ARSB: variants seen among roughly 807,000 people sequenced by gnomAD.
The protein encoded by ARSB is arylsulfatase B, also known as N-acetylgalactosamine-4-sulfatase.
In ARSB, 41 loss-of-function variants were observed where a neutral mutation model predicts 50.9. That is an observed-to-expected ratio of 0.81 (90% CI 0.63 to 1.04). The LOEUF (loss-of-function observed/expected upper bound fraction) is 1.04. ARSB is among the 50% of genes least tolerant of loss of function. ARSB has a pLI of 0.00. For missense variants in ARSB, 672 were observed against 693.3 expected (o/e 0.97, Z 0.35); for synonymous variants, 269 against 284.8 (o/e 0.94, Z 0.56).
At chr5:78,932,876 T>C (rs1750398315) in intron 4 of ARSB, among the ~76,000 whole-genome samples, 1 of 152,206 alleles carries the variant, frequency 6.6e-6, no homozygotes, top group African/African-American at 2.4e-5. Flanking sequence ...ATTCAAACTC[T>C]AGCATCCTTC....
At chr5:78,933,875 T>C (rs1038463551) in intron 4 of ARSB, among the ~76,000 whole-genome samples, 2 of 152,134 alleles carry the variant, frequency 1.3e-5, no homozygotes, top group East Asian at 3.8e-4. Context: ...GCATAGGTTA[T>C]GAGCTCTAAA....
chr5:78,867,271 A>C (rs1746815984), intron 5 of ARSB, among the ~76,000 whole-genome samples: 1 of 152,172 alleles, frequency 6.6e-6, no homozygotes, highest in African/African-American at 2.4e-5. Flanking sequence ...AGGCTTGCTT[A>C]GGTAAACAAA....
At chr5:78,908,437 C>T (rs1265019193) in intron 4 of ARSB, among the ~76,000 whole-genome samples, 2 of 152,122 alleles carry the variant, frequency 1.3e-5, no homozygotes, top group East Asian at 1.9e-4. Flanking sequence ...GGAACAATAG[C>T]GCTGTGAAGT....
intron 1 of ARSB, among the ~76,000 whole-genome samples, chr5:78,973,983 A>T (rs567837014): frequency 1.4e-4 from 22 of 152,322 alleles, no homozygotes; most frequent in African/African-American, 5.3e-4. Context: ...GGGAAGCTTC[A>T]TGATCAGAAC....
chr5:78,880,585 T>C (rs1393616521), intron 5 of ARSB, among the ~76,000 whole-genome samples: 1 of 152,226 alleles, frequency 6.6e-6, no homozygotes, highest in Admixed American at 6.5e-5. Flanking sequence ...GCCAAACCGC[T>C]ACAGCCTTTA....
intron 5 of ARSB, among the ~76,000 whole-genome samples, chr5:78,851,753 T>C (rs974108508): frequency 5.9e-5 from 9 of 152,142 alleles, no homozygotes; most frequent in African/African-American, 2.2e-4. Flanking sequence ...CCTGTATTGG[T>C]TGCATATATA....
chr5:78,941,873 G>T (rs536327751), intron 4 of ARSB, among the ~76,000 whole-genome samples: 1 of 152,244 alleles, frequency 6.6e-6, no homozygotes, highest in South Asian at 2.1e-4. Flanking sequence ...GTTCCTCCTT[G>T]TACCTCTGGT....
At chr5:78,848,913 C>CATT (rs1561456458) in intron 5 of ARSB, among the ~76,000 whole-genome samples, 14 of 82,950 alleles carry the variant, frequency 1.7e-4, no homozygotes, top group African/African-American at 5.2e-4. Context: ...TTGTTGATGG[C>CATT]GTTGTTTTTT....
chr5:78,899,325 G>T (rs1748702932), intron 4 of ARSB, among the ~76,000 whole-genome samples: 1 of 152,070 alleles, frequency 6.6e-6, no homozygotes, highest in African/African-American at 2.4e-5. Flanking sequence ...GGTGTTCTCT[G>T]ACCTTTCTGT....
intron 1 of ARSB, among the ~76,000 whole-genome samples, chr5:78,983,723 C>T (rs1753018933): frequency 6.6e-6 from 1 of 152,174 alleles, no homozygotes; most frequent in African/African-American, 2.4e-5. Context: ...CCAATCTTTC[C>T]TCTTTATAAA....
intron 1 of ARSB, among the ~76,000 whole-genome samples, chr5:78,984,031 A>AG (rs1345622837): frequency 6.6e-6 from 1 of 152,152 alleles, no homozygotes; most frequent in East Asian, 1.9e-4. Context: ...ATTCAGATTG[A>AG]GGGGAAAAAA....
chr5:78,855,043 G>A (rs912934877), intron 5 of ARSB, among the ~76,000 whole-genome samples: 3 of 152,180 alleles, frequency 2.0e-5, no homozygotes, highest in African/African-American at 7.2e-5. Flanking sequence ...TATCTCAGCA[G>A]CTCAGACTTC....
chr5:78,908,817 G>C (rs1050274486), intron 4 of ARSB, among the ~76,000 whole-genome samples: 2 of 151,644 alleles, frequency 1.3e-5, no homozygotes, highest in African/African-American at 4.9e-5. Flanking sequence ...GGAACATCTG[G>C]TTTTGACATT....
At chr5:78,976,981 G>A (rs896213644) in intron 1 of ARSB, among the ~76,000 whole-genome samples, 9 of 151,998 alleles carry the variant, frequency 5.9e-5, no homozygotes, top group South Asian at 2.1e-4. Flanking sequence ...CTTCCTCCAC[G>A]TTAAACTTTG....
chr5:78,781,323 C>CTTTTTTTTTTTTT (rs376851173), intron 7 of ARSB, among the ~76,000 whole-genome samples: 6 of 75,320 alleles, frequency 8.0e-5, no homozygotes, highest in Admixed American at 2.0e-4. Context: ...CTCTCTCTCT[C>CTTTTTTTTTTTTT]TTTTTTTTTT....
chr5:78,827,731 C>A (rs991176227), intron 6 of ARSB, among the ~76,000 whole-genome samples: 2 of 152,188 alleles, frequency 1.3e-5, no homozygotes, highest in African/African-American at 4.8e-5. Context: ...AGTGCCTAAA[C>A]CAGCCTTTGT....
intron 5 of ARSB, among the ~76,000 whole-genome samples, chr5:78,868,445 C>A (rs896007815): frequency 2.8e-5 from 3 of 106,084 alleles, no homozygotes; most frequent in African/African-American, 1.1e-4. Context: ...GGAAGCCCAT[C>A]AGACTAACAG....
rs1327363344 is a variant in ARSB at position 78,793,909 on chromosome 5, G to T, written c.1214-11935C>A. Among the ~76,000 whole-genome samples, 3 of 151,792 alleles carry T rather than the reference G, an allele frequency of 2.0e-5. No individual in the cohort carries two copies. In the East Asian group the frequency reaches 5.8e-4, roughly 29 times the overall value. On this transcript the variant is annotated intron_variant, in intron 6 of 7. Coordinates refer to ENST00000264914, the MANE Select transcript of ARSB (RefSeq NM_000046.5). ...ATTTTTATTATTTTTTTTTTGAGGC[G>T]ATGAGGCAAGTATGCGTGTGCTGGG...
At chr5:78,952,718 C>T (rs902723633) in intron 4 of ARSB, among the ~76,000 whole-genome samples, 6 of 152,198 alleles carry the variant, frequency 3.9e-5, no homozygotes, top group Non-Finnish European at 8.8e-5. Flanking sequence ...AGCATCTTCA[C>T]TTCTGTCTGA....
Sources: gnomAD v4.1 joint callset for allele counts (sites outside exome capture counted in the v4.1 genomes callset) on GRCh38, gnomAD v4.1.1 for gene constraint, MANE v1.5 for transcripts, NCBI Gene and HGNC (gene_info 2026-07-23, HGNC 2026-07-21) for gene names.